NMRAL1: variants seen among roughly 807,000 people sequenced by gnomAD.
NMRAL1 encodes the protein nmrA-like family domain-containing protein 1.
Under a neutral mutation model 27.5 loss-of-function variants are expected in NMRAL1, and 32 were observed. The observed-to-expected ratio is 1.16, with a 90% confidence interval of 0.88 to 1.56. The LOEUF (loss-of-function observed/expected upper bound fraction) is 1.56, where lower values mean the gene tolerates loss of function less well. Among genes scored for constraint, NMRAL1 ranks in the 40% most tolerant of loss-of-function variants. NMRAL1 has a pLI of 0.00. For synonymous variants in NMRAL1, 166 were observed against 166.8 expected (o/e 1.00, Z 0.04); for missense variants, 420 against 392.0 (o/e 1.07, Z -0.60).
chr16:4,463,228 G>C (rs79610712), intron 5 of NMRAL1, among the ~76,000 whole-genome samples: 2,323 of 152,280 alleles, frequency 0.015, 68 homozygotes, highest in African/African-American at 0.053. Flanking sequence ...GTACCCAAGA[G>C]TCTGTCCAGT....
intron 5 of NMRAL1, among the ~76,000 whole-genome samples, chr16:4,462,451 C>G (rs2057144353): frequency 6.6e-6 from 1 of 152,122 alleles, no homozygotes; most frequent in Non-Finnish European, 1.5e-5. Context: ...GTACTCCAGC[C>G]TGGGCAACAA....
intron 5 of NMRAL1, among the ~76,000 whole-genome samples, chr16:4,463,011 C>T (rs1303789382): frequency 6.6e-6 from 1 of 151,990 alleles, no homozygotes; most frequent in African/African-American, 2.4e-5. Context: ...CCTGCCACCA[C>T]ACCCGGCTAA....
At chr16:4,462,921 C>T (rs2057164153) in intron 5 of NMRAL1, among the ~76,000 whole-genome samples, 1 of 151,652 alleles carries the variant, frequency 6.6e-6, no homozygotes, top group African/African-American at 2.4e-5. Context: ...GCAGTGGCAT[C>T]TCGGCTCGCT....
At chr16:4,475,205 A>G (rs1482139090), upstream of NMRAL1, among the ~76,000 whole-genome samples, 2 of 152,022 alleles carry the variant, frequency 1.3e-5, no homozygotes, top group Admixed American at 1.3e-4. Context: ...CACCCACCTC[A>G]GCCTCCCAAA....
chr16:4,469,456 C>G lies in NMRAL1; in HGVS notation c.50G>C (p.Gly17Ala), dbSNP rs781147523. 5 of 1,613,686 alleles carry G rather than the reference C, an allele frequency of 3.1e-6. No homozygotes were observed. In the South Asian group the frequency reaches 4.4e-5, roughly 14 times the overall value. Reference protein sequence around the residue: ...VVVFGGTGAQGGSVARTLLED... With the variant: ...VVVFGGTGAQAGSVARTLLED... ...CAGGAGTGTGCGGGCCACGGAGCCA[C>G]CCTGGGCACCTACAAAGAATCAAAA... Residue 17 changes from glycine to alanine, a missense_variant, in exon 3 of 6, where the codon GGT becomes GCT. By Grantham distance (60) the Gly-to-Ala change is moderately conservative. Coordinates refer to ENST00000283429, the MANE Select transcript of NMRAL1 (RefSeq NM_020677.6).
chr16:4,469,244 C>T lies in NMRAL1; in HGVS notation c.262G>A (p.Glu88Lys), dbSNP rs765307367. 11 of 1,613,812 alleles carry T rather than the reference C, an allele frequency of 6.8e-6. No homozygotes were observed. In the East Asian group the frequency reaches 1.6e-4, roughly 23 times the overall value. Residue 88 changes from glutamate to lysine, a missense_variant, in exon 3 of 6, where the codon GAG (glutamate) becomes AAG (lysine). Physicochemically the swap from Glu to Lys is moderately conservative, Grantham distance 56 (BLOSUM62 1). Transcript: ENST00000283429. ...GCCCTCACCTGCTTGACCTCCTGCTCCTGGCTGCAGCTCTCCCAGTAATTG... is the reference window on the plus strand; with the variant it reads ...GCCCTCACCTGCTTGACCTCCTGCTTCTGGCTGCAGCTCTCCCAGTAATTG... ...VTNYWESCSQ[E>K]QEVKQGKLLA...
At chr16:4,463,601 C>G in intron 5 of NMRAL1, 59 bp downstream of exon 5, 1 of 1,537,278 alleles carries the variant, frequency 6.5e-7, no homozygotes, top group South Asian at 1.1e-5. Flanking sequence ...CACACCCTCC[C>G]TACGGGAGCT....
At chr16:4,466,012 A>C (rs1406980804) in intron 4 of NMRAL1, 141 bp downstream of exon 4, 1 of 935,986 alleles carries the variant, frequency 1.1e-6, no homozygotes, top group African/African-American at 1.6e-5. Flanking sequence ...GCAAGCTGAC[A>C]GGATGTGCTC....
chr16:4,468,133 G>A (rs1320667216), intron 3 of NMRAL1, among the ~76,000 whole-genome samples: 1 of 149,572 alleles, frequency 6.7e-6, no homozygotes, highest in Non-Finnish European at 1.5e-5. Context: ...AACCCCGTCT[G>A]TACTAAAAAT....
At chr16:4,474,950 T>C (rs2057773338), upstream of NMRAL1, 1 of 152,118 alleles carries the variant, frequency 6.6e-6, no homozygotes, top group African/African-American at 2.4e-5. Context: ...CTTTTAAAAT[T>C]TTATTATTTT....
In NMRAL1 at chr16:4,461,752, C is replaced by G; in HGVS notation, c.*28G>C. ...CCTCTGCCCCTCTGGTGCCCCCGAT[C>G]CCCACAAGGGGCCGCGAGGCGGGCA... On this transcript the variant is annotated 3_prime_UTR_variant, in exon 6 of 6. Transcript: ENST00000283429. 1.3e-6 allele frequency: 2 copies of G among 1,574,522 alleles called. No individual in the cohort carries two copies. The highest frequency in any genetic ancestry group is 1.7e-6 in the Non-Finnish European group (2 of 1,160,380).
At chr16:4,474,229 G>A (rs943613116) in intron 1 of NMRAL1, 63 bp from the exon 2 acceptor site, 21 of 1,245,640 alleles carry the variant, frequency 1.7e-5, no homozygotes, top group African/African-American at 4.5e-5. Context: ...GAGCGACAAA[G>A]GACACCCCCA....
At chr16:4,472,783 A>G (rs2057624714) in intron 2 of NMRAL1, among the ~76,000 whole-genome samples, 2 of 151,838 alleles carry the variant, frequency 1.3e-5, no homozygotes, top group Non-Finnish European at 2.9e-5. Flanking sequence ...GACACACACT[A>G]CAACATGAAC....
chr16:4,475,672 G>A (rs946613622), upstream of NMRAL1, among the ~76,000 whole-genome samples: 29 of 151,882 alleles, frequency 1.9e-4, no homozygotes, highest in Non-Finnish European at 1.3e-4. Flanking sequence ...GGCTGGGTGC[G>A]GTGGCCTGTA....
intron 2 of NMRAL1, among the ~76,000 whole-genome samples, chr16:4,473,711 A>G (rs961524209): frequency 2.0e-5 from 3 of 151,930 alleles, no homozygotes; most frequent in Non-Finnish European, 4.4e-5. Context: ...TCATCACCTG[A>G]GGTCAGGAGT....
chr16:4,473,494 T>C (rs2057681390), intron 2 of NMRAL1, among the ~76,000 whole-genome samples: 1 of 152,216 alleles, frequency 6.6e-6, no homozygotes, highest in Non-Finnish European at 1.5e-5. Context: ...GATAACATGT[T>C]ATCTACTCTG....
intron 2 of NMRAL1, among the ~76,000 whole-genome samples, chr16:4,471,619 CA>C (rs997725293): frequency 0.12 from 7,310 of 58,560 alleles, 446 homozygotes; most frequent in African/African-American, 0.33. Context: ...GCCCTGTCTC[CA>C]AAAAAAAAAA....
chr16:4,468,042 G>C (rs543640167), intron 3 of NMRAL1, among the ~76,000 whole-genome samples: 1 of 152,106 alleles, frequency 6.6e-6, no homozygotes, highest in Non-Finnish European at 1.5e-5. Context: ...GCTCATGCCC[G>C]CAGTCCCAGC....
chr16:4,464,579 C>G (rs982556742), intron 4 of NMRAL1, among the ~76,000 whole-genome samples: 18 of 150,652 alleles, frequency 1.2e-4, no homozygotes, highest in African/African-American at 4.4e-4. Context: ...ACAGAGCGCA[C>G]AGACCGGAGC....
Sources: allele counts gnomAD v4.1 joint callset (sites outside exome capture counted in the v4.1 genomes callset), GRCh38; gene constraint gnomAD v4.1.1; transcripts MANE v1.5; gene names NCBI Gene and HGNC (gene_info 2026-07-23, HGNC 2026-07-21).